The following KIF16B variants were observed in gnomAD, a reference collection of about 807,000 sequenced individuals.
KIF16B encodes kinesin family member 16B, also known as kinesin-like protein KIF16B.
A neutral mutation model predicts 156.3 loss-of-function variants in KIF16B; 98 were observed. That is an observed-to-expected ratio of 0.63 (90% CI 0.53 to 0.74). The LOEUF is 0.74. Ranked by LOEUF, KIF16B falls within the 30% of genes least tolerant of loss-of-function variation. KIF16B has a pLI of 0.00. For synonymous variants in KIF16B, 564 were observed against 583.7 expected (o/e 0.97, Z 0.49); for missense variants, 1,421 against 1,606.5 (o/e 0.88, Z 1.97).
intron 25 of KIF16B, among the ~76,000 whole-genome samples, chr20:16,286,689 A>G (rs1444716875): frequency 6.6e-6 from 1 of 152,162 alleles, no homozygotes; most frequent in Non-Finnish European, 1.5e-5. Context: ...TTTCTGCCCA[A>G]TACAAACTTC....
At chr20:16,276,975 TACA>T (rs1223002891) in intron 25 of KIF16B, among the ~76,000 whole-genome samples, 1 of 152,268 alleles carries the variant, frequency 6.6e-6, no homozygotes, top group African/African-American at 2.4e-5. Flanking sequence ...ATATGAATTA[TACA>T]ACACTTCCAG....
chr20:16,573,186 T>G, intron 1 of KIF16B, 43 bp downstream of exon 1: 1 of 1,503,888 alleles, frequency 6.6e-7, no homozygotes, highest in East Asian at 2.5e-5. Context: ...TTCCTCTGGG[T>G]GGGGGCGCGA....
chr20:16,541,303 C>T (rs560679186), intron 1 of KIF16B, among the ~76,000 whole-genome samples: 5 of 152,322 alleles, frequency 3.3e-5, no homozygotes, highest in African/African-American at 1.2e-4. Flanking sequence ...ACCCTGACTT[C>T]ATTTTGGCTT....
chr20:16,341,641 G>C (rs372790103), intron 23 of KIF16B, among the ~76,000 whole-genome samples: 38 of 152,336 alleles, frequency 2.5e-4, no homozygotes, highest in African/African-American at 7.0e-4. Flanking sequence ...CCAGTGGTTA[G>C]CAGCATCAGC....
intron 19 of KIF16B, among the ~76,000 whole-genome samples, chr20:16,374,925 A>C (rs2064910145): frequency 6.6e-6 from 1 of 152,204 alleles, no homozygotes; most frequent in Admixed American, 6.5e-5. Context: ...AAGATTATCT[A>C]AGTGCAGAAA....
chr20:16,512,069 C>A (rs1261481533), intron 5 of KIF16B, among the ~76,000 whole-genome samples: 2 of 152,008 alleles, frequency 1.3e-5, no homozygotes, highest in African/African-American at 4.8e-5. Flanking sequence ...ATCACTTGAA[C>A]CTGGGAGGTG....
intron 24 of KIF16B, among the ~76,000 whole-genome samples, chr20:16,322,135 C>T (rs557930140): frequency 3.9e-5 from 6 of 151,908 alleles, no homozygotes; most frequent in East Asian, 3.9e-4. Context: ...TTTTGCAATT[C>T]GGTGAATAAA....
intron 24 of KIF16B, among the ~76,000 whole-genome samples, chr20:16,319,703 C>T (rs1350052888): frequency 6.6e-6 from 1 of 152,152 alleles, no homozygotes; most frequent in African/African-American, 2.4e-5. Flanking sequence ...GGGGGCCAGT[C>T]TTGAGGAAGG....
At chr20:16,436,272 C>T (rs1211766141) in intron 12 of KIF16B, among the ~76,000 whole-genome samples, 1 of 152,092 alleles carries the variant, frequency 6.6e-6, no homozygotes, top group Non-Finnish European at 1.5e-5. Flanking sequence ...CTGCAGTCCA[C>T]CCACTTTTCT....
chr20:16,476,902 G>A (rs2067830679), intron 12 of KIF16B, among the ~76,000 whole-genome samples: 1 of 152,026 alleles, frequency 6.6e-6, no homozygotes, highest in South Asian at 2.1e-4. Context: ...GGGACTACAG[G>A]CGCGTGCCAC....
chr20:16,559,714 G>C (rs1322351217), intron 1 of KIF16B, among the ~76,000 whole-genome samples: 1 of 152,136 alleles, frequency 6.6e-6, no homozygotes, highest in African/African-American at 2.4e-5. Context: ...GCAGGCTGAG[G>C]CTACAGTGAG....
chr20:16,384,836 C>A (rs902333145), intron 17 of KIF16B, among the ~76,000 whole-genome samples: 1 of 152,098 alleles, frequency 6.6e-6, no homozygotes, highest in Non-Finnish European at 1.5e-5. Flanking sequence ...GACCACATTT[C>A]TCTTACAGAC....
chr20:16,558,897 C>CAA (rs11478258), intron 1 of KIF16B, among the ~76,000 whole-genome samples: 348 of 61,712 alleles, frequency 5.6e-3, no homozygotes, highest in Non-Finnish European at 7.5e-3. Flanking sequence ...GAGCAAGACT[C>CAA]AAAAAAAAAA....
At chr20:16,434,182 C>T (rs1368451773) in intron 12 of KIF16B, among the ~76,000 whole-genome samples, 1 of 152,234 alleles carries the variant, frequency 6.6e-6, no homozygotes, top group African/African-American at 2.4e-5. Flanking sequence ...AACCTCCAGG[C>T]ATCTATTCAG....
intron 12 of KIF16B, among the ~76,000 whole-genome samples, chr20:16,459,789 T>C (rs2067298222): frequency 6.6e-6 from 1 of 152,208 alleles, no homozygotes; most frequent in East Asian, 1.9e-4. Flanking sequence ...AAAGTTGTTA[T>C]GCACCAAAGA....
At chr20:16,389,089 AT>A (rs2146145336) in intron 17 of KIF16B, among the ~76,000 whole-genome samples, 1 of 152,216 alleles carries the variant, frequency 6.6e-6, no homozygotes, top group Non-Finnish European at 1.5e-5. Flanking sequence ...TGGCATGGAT[AT>A]TACTCTATTA....
At chr20:16,459,448 A>G (rs989450117) in intron 12 of KIF16B, among the ~76,000 whole-genome samples, 1 of 152,172 alleles carries the variant, frequency 6.6e-6, no homozygotes, top group African/African-American at 2.4e-5. Context: ...CAATTTTCCA[A>G]AAGTAGCAGC....
intron 3 of KIF16B, among the ~76,000 whole-genome samples, chr20:16,522,564 AAT>A (rs1428627392): frequency 6.6e-6 from 1 of 152,030 alleles, no homozygotes; most frequent in African/African-American, 2.4e-5. Flanking sequence ...CCCACACAAT[AAT>A]AGTGGGAGAC....
At chr20:16,440,946 A>T (rs1251856527) in intron 12 of KIF16B, among the ~76,000 whole-genome samples, 1 of 152,228 alleles carries the variant, frequency 6.6e-6, no homozygotes, top group Non-Finnish European at 1.5e-5. Flanking sequence ...ATTATGCAAA[A>T]TGCATAATAC....
Sources: allele counts gnomAD v4.1 joint callset (sites outside exome capture counted in the v4.1 genomes callset), GRCh38; gene constraint gnomAD v4.1.1; transcripts MANE v1.5; gene names NCBI Gene and HGNC (gene_info 2026-07-23, HGNC 2026-07-21).